SLIT1: variants seen among roughly 807,000 people sequenced by gnomAD.
The protein encoded by SLIT1 is slit homolog 1 protein.
A neutral mutation model predicts 186.1 loss-of-function variants in SLIT1; 66 were observed. The observed-to-expected ratio is 0.35, with a 90% confidence interval of 0.29 to 0.44. The LOEUF (loss-of-function observed/expected upper bound fraction) is 0.44, where lower values mean the gene tolerates loss of function less well. Ranked by LOEUF, SLIT1 falls within the 20% of genes least tolerant of loss-of-function variation. The probability of loss-of-function intolerance (pLI) is 1.00; values close to 1 mark genes in which losing one functional copy is unlikely to be tolerated. For synonymous variants in SLIT1, 761 were observed against 833.8 expected (o/e 0.91, Z 1.50); for missense variants, 1,638 against 2,037.4 (o/e 0.80, Z 3.77).
At chr10:97,086,794 C>T (rs1849164476) in intron 4 of SLIT1, among the ~76,000 whole-genome samples, 1 of 152,064 alleles carries the variant, frequency 6.6e-6, no homozygotes, top group Non-Finnish European at 1.5e-5. Flanking sequence ...ACTTTTAGGG[C>T]AGGGGAACCA....
intron 31 of SLIT1, among the ~76,000 whole-genome samples, chr10:97,009,681 A>G (rs1241661892): frequency 6.6e-6 from 1 of 152,256 alleles, no homozygotes; most frequent in African/African-American, 2.4e-5. Flanking sequence ...TTTGTGCATT[A>G]TCAAGAAAAG....
intron 1 of SLIT1, among the ~76,000 whole-genome samples, chr10:97,173,494 C>CTTT (rs71007318): frequency 7.8e-6 from 1 of 128,208 alleles, no homozygotes; most frequent in African/African-American, 2.9e-5. Context: ...CAGCTCCATC[C>CTTT]TTTTTTTTTT....
intron 30 of SLIT1, 65 bp from the exon 31 acceptor site, chr10:97,011,195 C>T (rs532413884): frequency 3.8e-5 from 44 of 1,149,474 alleles, no homozygotes; most frequent in South Asian, 3.2e-4. Flanking sequence ...GCCAGGGGAG[C>T]GCACCAGGGA....
intron 13 of SLIT1, among the ~76,000 whole-genome samples, chr10:97,055,142 G>A (rs1487198162): frequency 6.6e-6 from 1 of 152,144 alleles, no homozygotes; most frequent in Non-Finnish European, 1.5e-5. Flanking sequence ...ACTTGAACCT[G>A]GGAGGTGGAG....
At chr10:97,017,620 C>G (rs892271400) in intron 28 of SLIT1, among the ~76,000 whole-genome samples, 4 of 152,190 alleles carry the variant, frequency 2.6e-5, no homozygotes, top group African/African-American at 9.6e-5. Context: ...TCCCCTCCCA[C>G]AGTGCCCAGT....
chr10:97,032,024 T>G (rs1848595967), intron 23 of SLIT1, among the ~76,000 whole-genome samples: 1 of 152,278 alleles, frequency 6.6e-6, no homozygotes, highest in African/African-American at 2.4e-5. Flanking sequence ...GCTGTTGTTA[T>G]GATTGAGAAC....
intron 4 of SLIT1, among the ~76,000 whole-genome samples, chr10:97,106,096 C>A (rs182573748): frequency 1.8e-3 from 268 of 152,310 alleles, no homozygotes; most frequent in Middle Eastern, 0.01. Context: ...GTCTGGAGAT[C>A]CGCCCCTCCC....
chr10:97,185,592 C>G lies in SLIT1; in HGVS notation c.83G>C (p.Arg28Pro). 6.3e-7 allele frequency: 1 copy of G among 1,595,546 alleles called. No homozygotes were observed. The highest frequency in any genetic ancestry group is 8.5e-7 in the Non-Finnish European group (1 of 1,172,490). ...LWLLLWAAAW[R>P]LGASACPALC... ...GGCGGGGCACGCCGAGGCACCCAGGCGCCACGCGGCTGCCCACAGCAGCAG... is the reference window on the plus strand; with the variant it reads ...GGCGGGGCACGCCGAGGCACCCAGGGGCCACGCGGCTGCCCACAGCAGCAG... The change falls in exon 1 of 37, where the codon CGC (arginine) becomes CCC (proline). Residue 28 changes from arginine (R) to proline (P), a missense_variant. Arg to Pro is a moderately radical substitution (Grantham distance 103, BLOSUM62 -2). Around this residue, in one of 3 missense-constraint regions of SLIT1, gnomAD observed 1,245 missense variants for 1,535.3 expected, o/e 0.81. Transcript: ENST00000266058.
At chr10:97,113,173 T>C (rs1011508574) in intron 4 of SLIT1, among the ~76,000 whole-genome samples, 2 of 152,252 alleles carry the variant, frequency 1.3e-5, no homozygotes, top group African/African-American at 2.4e-5. Flanking sequence ...TAATTTGATA[T>C]ACAGCCTCTT....
At chr10:97,169,615 G>A (rs557924810) in intron 1 of SLIT1, among the ~76,000 whole-genome samples, 1 of 152,332 alleles carries the variant, frequency 6.6e-6, no homozygotes, top group East Asian at 1.9e-4. Context: ...AGCCGGTGGA[G>A]TAGGCCCACC....
chr10:97,016,034 TG>T (rs1224190594), intron 28 of SLIT1, among the ~76,000 whole-genome samples: 7 of 152,180 alleles, frequency 4.6e-5, no homozygotes, highest in Non-Finnish European at 8.8e-5. Flanking sequence ...ATTGGCCACG[TG>T]GGGTGGCACA....
Position 97,091,369 on chromosome 10 carries a change from C to T in SLIT1, c.414-25283G>A, listed in dbSNP as rs1849229985. ...TCCACTACTGATTAGGGTCTGTCCT[C>T]TGTGCAGTTACACACGAACTTGTAG... On this transcript the variant is annotated intron_variant, in intron 4 of 36. Transcript: ENST00000266058. Among the ~76,000 whole-genome samples the T allele has an allele frequency of 2.6e-5, 4 of 152,230 alleles. No individual in the cohort carries two copies. The South Asian group carries it at 6.2e-4, about 24-fold the overall frequency.
chr10:97,059,077 C>T (rs776156224), intron 11 of SLIT1, among the ~76,000 whole-genome samples: 3 of 152,336 alleles, frequency 2.0e-5, no homozygotes, highest in Non-Finnish European at 4.4e-5. Context: ...CTCACTGGCC[C>T]TGCGGTGACT....
chr10:97,105,769 C>T (rs1310617294), intron 4 of SLIT1, among the ~76,000 whole-genome samples: 1 of 152,122 alleles, frequency 6.6e-6, no homozygotes, highest in Non-Finnish European at 1.5e-5. Flanking sequence ...GCCGTGGCCC[C>T]TCTGGAGGCC....
intron 4 of SLIT1, among the ~76,000 whole-genome samples, chr10:97,092,134 G>A (rs1589389550): frequency 6.6e-6 from 1 of 152,384 alleles, no homozygotes; most frequent in African/African-American, 2.4e-5. Flanking sequence ...GGTCACTGCT[G>A]AGATTGTCAA....
intron 4 of SLIT1, among the ~76,000 whole-genome samples, chr10:97,127,807 A>G (rs1041946103): frequency 2.0e-5 from 3 of 152,196 alleles, no homozygotes; most frequent in Admixed American, 6.5e-5. Context: ...CTATGACTCC[A>G]GGGAACTCCT....
intron 21 of SLIT1, 86 bp from the exon 22 acceptor site, chr10:97,037,852 A>AT (rs1278032529): frequency 3.6e-6 from 4 of 1,109,456 alleles, no homozygotes; most frequent in Non-Finnish European, 5.3e-6. Context: ...GCAGCCAGGG[A>AT]CTTCGCTCTC....
chr10:97,086,112 C>T (rs1044087968), intron 4 of SLIT1, among the ~76,000 whole-genome samples: 1 of 152,208 alleles, frequency 6.6e-6, no homozygotes, highest in African/African-American at 2.4e-5. Context: ...TGGCGTTACC[C>T]AAAGGAGTTA....
At position 97,021,591 on chromosome 10, in the gene SLIT1, G is replaced by A. The variant is rs1229972536; in HGVS notation, c.2583-178C>T. The stretch of plus-strand genomic sequence containing the variant: ...TTTTTTTCTTTTTTTGAGATGGAGT[G>A]TCGCTCTGTCGCCCAGGCTGGAGTG... On this transcript the variant is annotated intron_variant, in intron 25 of 36. Coordinates refer to ENST00000266058, the MANE Select transcript of SLIT1 (RefSeq NM_003061.3). The surrounding 1 kb of genome is among the most constrained non-coding windows in gnomAD (Gnocchi z 4.5). Among the ~76,000 whole-genome samples, 1 of 149,730 alleles carries A rather than the reference G, an allele frequency of 6.7e-6. No individual in the cohort carries two copies. Among genetic ancestry groups the A allele is most frequent in the Non-Finnish European group, 1.5e-5 (1 of 67,562 alleles).
Sources: gnomAD v4.1 joint callset for allele counts (sites outside exome capture counted in the v4.1 genomes callset) on GRCh38, gnomAD v4.1.1 for gene constraint, gnomAD v4.1.1 regional missense constraint, Gnocchi (gnomAD v3.1) non-coding constraint, MANE v1.5 for transcripts, NCBI Gene and HGNC (gene_info 2026-07-23, HGNC 2026-07-21) for gene names.